The following ELMO1 variants were observed in gnomAD, a reference collection of about 807,000 sequenced individuals.
The protein encoded by ELMO1 is engulfment and cell motility protein 1.
Under a neutral mutation model 98.9 loss-of-function variants are expected in ELMO1, and 26 were observed. The ratio of observed to expected loss-of-function variants is 0.26; its 90% confidence interval spans 0.19 to 0.36. The LOEUF (loss-of-function observed/expected upper bound fraction) is 0.36, where lower values mean the gene tolerates loss of function less well. ELMO1 is among the 10% of genes least tolerant of loss of function. The pLI is 1.00. For missense variants in ELMO1, 627 were observed against 935.2 expected (o/e 0.67, Z 4.30); for synonymous variants, 346 against 346.0 (o/e 1.00, Z 0.00).
intron 4 of ELMO1, 118 bp from the exon 5 acceptor site, chr7:37,272,000 A>G: frequency 1.3e-6 from 1 of 798,132 alleles, no homozygotes; most frequent in Non-Finnish European, 2.0e-6. Flanking sequence ...CACTTGAATA[A>G]TTTTTAATTA....
At chr7:37,120,296 C>A (rs891191458) in intron 14 of ELMO1, among the ~76,000 whole-genome samples, 9 of 152,178 alleles carry the variant, frequency 5.9e-5, no homozygotes, top group African/African-American at 1.9e-4. Context: ...GTGGGTGCAG[C>A]GCACCAAGCG....
intron 15 of ELMO1, among the ~76,000 whole-genome samples, chr7:37,071,271 T>C (rs1360856353): frequency 6.6e-5 from 10 of 152,122 alleles, no homozygotes; most frequent in Non-Finnish European, 1.5e-4. Context: ...AGCTACACAT[T>C]GTAGGGTTCC....
intron 15 of ELMO1, among the ~76,000 whole-genome samples, chr7:37,032,437 T>G (rs1215652632): frequency 6.6e-6 from 1 of 152,132 alleles, no homozygotes; most frequent in Non-Finnish European, 1.5e-5. Context: ...ATGCTATTGC[T>G]CCACCCTGCC....
At chr7:37,256,146 A>G (rs1584879805) in intron 6 of ELMO1, among the ~76,000 whole-genome samples, 2 of 152,302 alleles carry the variant, frequency 1.3e-5, no homozygotes, top group Admixed American at 6.5e-5. Context: ...TTCAAGCTCC[A>G]GCTCCAGCTT....
chr7:37,403,945 T>A (rs369382337), intron 1 of ELMO1, among the ~76,000 whole-genome samples: 4 of 152,258 alleles, frequency 2.6e-5, no homozygotes, highest in South Asian at 4.2e-4. Flanking sequence ...AGTTTAATTA[T>A]AACAAATGTA....
At chr7:36,940,123 G>C (rs113651684) in intron 16 of ELMO1, among the ~76,000 whole-genome samples, 2 of 152,210 alleles carry the variant, frequency 1.3e-5, no homozygotes, top group Non-Finnish European at 2.9e-5. Context: ...GGTGAGTGAA[G>C]AGTAAATAGA....
chr7:37,207,266 C>T (rs1418007718), intron 13 of ELMO1, among the ~76,000 whole-genome samples: 1 of 152,180 alleles, frequency 6.6e-6, no homozygotes, highest in African/African-American at 2.4e-5. Flanking sequence ...ATAGCATTAT[C>T]CCGGCAGGGC....
At chr7:36,861,902 A>T in intron 20 of ELMO1, 166 bp from the exon 21 acceptor site, 1 of 650,528 alleles carries the variant, frequency 1.5e-6, no homozygotes, top group Non-Finnish European at 2.7e-6. Flanking sequence ...GGTTCACGGC[A>T]TGATTCCTTC....
At chr7:37,139,227 C>T (rs1787461020) in intron 13 of ELMO1, among the ~76,000 whole-genome samples, 1 of 152,118 alleles carries the variant, frequency 6.6e-6, no homozygotes, top group Non-Finnish European at 1.5e-5. Context: ...CCAGAGCAAT[C>T]AGACAAGAGA....
intron 6 of ELMO1, among the ~76,000 whole-genome samples, chr7:37,252,937 A>C (rs771422974): frequency 1.3e-5 from 2 of 152,262 alleles, no homozygotes; most frequent in African/African-American, 2.4e-5. Flanking sequence ...GACACTTCTC[A>C]AAAGAAGACA....
intron 1 of ELMO1, among the ~76,000 whole-genome samples, chr7:37,408,642 G>A (rs983187760): frequency 4.6e-5 from 7 of 152,338 alleles, no homozygotes; most frequent in Non-Finnish European, 5.9e-5. Flanking sequence ...ATGATGCTAA[G>A]TGAGGTAAGC....
At chr7:37,262,167 G>T (rs1400273512) in intron 5 of ELMO1, among the ~76,000 whole-genome samples, 3 of 151,922 alleles carry the variant, frequency 2.0e-5, no homozygotes, top group African/African-American at 7.3e-5. Flanking sequence ...CTACTTAAAA[G>T]TAAATAAATA....
At chr7:37,331,725 C>T (rs995714916) in intron 2 of ELMO1, among the ~76,000 whole-genome samples, 13 of 151,772 alleles carry the variant, frequency 8.6e-5, no homozygotes, top group Non-Finnish European at 7.4e-5. Flanking sequence ...CAGATGTGAC[C>T]GAGACCAGAT....
At chr7:37,090,303 G>GT (rs1784010262) in intron 15 of ELMO1, among the ~76,000 whole-genome samples, 1 of 152,198 alleles carries the variant, frequency 6.6e-6, no homozygotes, top group Admixed American at 6.5e-5. Flanking sequence ...CAGGACTGGG[G>GT]TGAGCCTGTA....
At chr7:37,257,938 A>G (rs1795768558) in intron 6 of ELMO1, among the ~76,000 whole-genome samples, 1 of 151,810 alleles carries the variant, frequency 6.6e-6, no homozygotes, top group Non-Finnish European at 1.5e-5. Flanking sequence ...GTTCGAGACC[A>G]GCCTGGCCAA....
intron 16 of ELMO1, among the ~76,000 whole-genome samples, chr7:36,995,399 T>G (rs1203415058): frequency 6.6e-6 from 1 of 152,002 alleles, no homozygotes; most frequent in Non-Finnish European, 1.5e-5. Flanking sequence ...TCCCAGCTAC[T>G]TGGGAGGCTG....
At position 37,211,457 on chromosome 7, in the gene ELMO1, T is replaced by G; in HGVS notation, c.1015A>C (p.Asn339His). ...TTCTCCATGCTGCCACTGCTGTTGT[T>G]AGGTTCAGACTCAGCATCAAAAGCA... ...RIAFDAESEP[N>H]NSSGSMEKRK... is the part of the protein sequence containing the mutation. The change falls in exon 13 of 22, where the codon AAC becomes CAC. Residue 339 changes from asparagine to histidine, a missense_variant. By Grantham distance (68) the Asn-to-His change is moderately conservative. Around this residue, in one of 3 missense-constraint regions of ELMO1, gnomAD observed 492 missense variants for 715.6 expected, o/e 0.69. Transcript: ENST00000310758. 3.7e-6 allele frequency: 6 copies of G among 1,614,044 alleles called. 1 individual carries two copies. The highest frequency in any genetic ancestry group is 2.5e-6 in the Non-Finnish European group (3 of 1,179,980).
chr7:37,247,895 A>ATGTGTGTGTGAGTGTGTGTGTGTG (rs142333290), intron 6 of ELMO1, among the ~76,000 whole-genome samples: 28 of 146,554 alleles, frequency 1.9e-4, no homozygotes, highest in African/African-American at 6.8e-4. Context: ...TTGAAATAAA[A>ATGTGTGTGTGAGTGTGTGTGTGTG]TGTGTGTGTG....
intron 13 of ELMO1, among the ~76,000 whole-genome samples, chr7:37,168,910 G>A (rs1722171390): frequency 6.6e-6 from 1 of 152,204 alleles, no homozygotes; most frequent in Admixed American, 6.5e-5. Flanking sequence ...GGTTACCGCT[G>A]TCTTTTTGTT....
Sources: allele counts gnomAD v4.1 joint callset (sites outside exome capture counted in the v4.1 genomes callset), GRCh38; gene constraint gnomAD v4.1.1; regional missense constraint gnomAD v4.1.1; transcripts MANE v1.5; gene names NCBI Gene and HGNC (gene_info 2026-07-23, HGNC 2026-07-21).